The following FMO3 variants were observed in gnomAD, a reference collection of about 807,000 sequenced individuals.
The protein encoded by FMO3 is flavin containing dimethylaniline monoxygenase 3.
Under a neutral mutation model 39.4 loss-of-function variants are expected in FMO3, and 40 were observed. The ratio of observed to expected loss-of-function variants is 1.02; its 90% CI spans 0.79 to 1.32. FMO3 has a LOEUF of 1.32. FMO3 is among the 40% of genes most tolerant of loss of function. The pLI, the probability that FMO3 is intolerant of heterozygous loss-of-function variation, is 0.00. For missense variants in FMO3, 680 were observed against 651.8 expected (o/e 1.04, Z -0.47); for synonymous variants, 219 against 228.8 (o/e 0.96, Z 0.39).
At chr1:171,115,388 T>C (rs1442617881) in intron 7 of FMO3, among the ~76,000 whole-genome samples, 1 of 151,800 alleles carries the variant, frequency 6.6e-6, no homozygotes, top group African/African-American at 2.4e-5. Flanking sequence ...AAACAGTCTC[T>C]TTCTTTTCAA....
rs1656219762 is a variant in FMO3 at position 171,117,527 on chromosome 1, A to C, written c.*85A>C. The C allele has an allele frequency of 5.0e-6, 5 of 1,001,364 alleles. No individual in the cohort carries two copies. The highest frequency in any genetic ancestry group is 7.5e-6 in the Non-Finnish European group (5 of 665,798). The allele number at this position is 1,001,364 out of a possible 1,614,324, so 62.0% of individuals were successfully genotyped here. On this transcript the variant is annotated 3_prime_UTR_variant, in exon 9 of 9. Transcript: ENST00000367755. Reference sequence around the variant, plus strand: ...ATTTAAAAATTAAAATTTTCACACCACCTGCTTTTCTATTCAGCATCTTTT... The same window carrying C: ...ATTTAAAAATTAAAATTTTCACACCCCCTGCTTTTCTATTCAGCATCTTTT...
At chr1:171,096,072 TAATATATAA>T (rs1655007852) in intron 2 of FMO3, among the ~76,000 whole-genome samples, 1 of 50,678 alleles carries the variant, frequency 2.0e-5, no homozygotes, top group African/African-American at 1.1e-4. Flanking sequence ...TATTATATAT[TAATATATAA>T]TATATATTAA....
At chr1:171,113,484 A>G (rs555761240) in intron 6 of FMO3, among the ~76,000 whole-genome samples, 1 of 152,302 alleles carries the variant, frequency 6.6e-6, no homozygotes, top group East Asian at 1.9e-4. Context: ...AGTATACTGA[A>G]TTAAGAATAA....
chr1:171,099,759 C>CTTTTTTTTTTTTTTTTTCTTTTTTT (rs1655279087), intron 2 of FMO3: 1 of 117,610 alleles, frequency 8.5e-6, no homozygotes. Flanking sequence ...CCATGTCTTT[C>CTTTTTTTTTTTTTTTTTCTTTTTTT]TTTTTTTTTT....
chr1:171,105,999 C>T (rs1655618262), intron 3 of FMO3, among the ~76,000 whole-genome samples: 1 of 151,954 alleles, frequency 6.6e-6, no homozygotes, highest in African/African-American at 2.4e-5. Context: ...ATAAAATATA[C>T]AAAAACTTTC....
intron 2 of FMO3, among the ~76,000 whole-genome samples, chr1:171,096,112 T>C (rs1655019365): frequency 1.2e-5 from 1 of 83,022 alleles, no homozygotes; most frequent in Non-Finnish European, 2.1e-5. Context: ...TAATTAATTA[T>C]TATATATTAA....
chr1:171,101,936 T>A (rs548205919), intron 2 of FMO3: 2 of 352,864 alleles, frequency 5.7e-6, no homozygotes, highest in East Asian at 7.7e-5. Flanking sequence ...TTCTGGACTA[T>A]GTATCAATTT....
At chr1:171,096,025 A>ATATATT (rs1491256935) in intron 2 of FMO3, among the ~76,000 whole-genome samples, 2 of 45,972 alleles carry the variant, frequency 4.4e-5, no homozygotes, top group Non-Finnish European at 7.1e-5. Flanking sequence ...ATTATATATT[A>ATATATT]ATATATAATA....
chr1:171,102,775 T>G (rs1421432553), intron 2 of FMO3, among the ~76,000 whole-genome samples: 1 of 152,210 alleles, frequency 6.6e-6, no homozygotes, highest in East Asian at 1.9e-4. Flanking sequence ...TCTTCAATGT[T>G]CTTTTTCTTT....
At chr1:171,116,747 A>G (rs999033642) in intron 8 of FMO3, among the ~76,000 whole-genome samples, 9 of 152,322 alleles carry the variant, frequency 5.9e-5, no homozygotes, top group Admixed American at 3.3e-4. Flanking sequence ...AGTTGTCACT[A>G]ATTAGCTCAG....
Position 171,097,199 on chromosome 1 carries a change from A to G in FMO3, c.132+4409A>G, listed in dbSNP as rs534992617. ...TTAATCCAGTCTATCATTGTTGGAC[A>G]TTTGGGTTGGTTCCAAGTCTTTGCT... On this transcript the variant is annotated intron_variant, in intron 2 of 8. Coordinates refer to ENST00000367755, the MANE Select transcript of FMO3 (RefSeq NM_001002294.3). Among the ~76,000 whole-genome samples the G allele has an allele frequency of 6.5e-3, 928 of 143,812 alleles. 11 individuals carry two copies. Among genetic ancestry groups the G allele is most frequent in the African/African-American group, 0.024 (894 of 37,360 alleles). 94.3% of individuals were successfully genotyped at this position (143,812 alleles called of 152,430 possible).
chr1:171,096,289 T>TA (rs1553228221), intron 2 of FMO3, among the ~76,000 whole-genome samples: 8 of 87,988 alleles, frequency 9.1e-5, no homozygotes, highest in African/African-American at 1.9e-4. Context: ...ATATATTATA[T>TA]ATCTATTATA....
chr1:171,091,882 A>G (rs1654725177), intron 1 of FMO3, among the ~76,000 whole-genome samples: 1 of 149,666 alleles, frequency 6.7e-6, no homozygotes, highest in African/African-American at 2.5e-5. Context: ...TAAAAAGAAG[A>G]TACAGATTGC....
At position 171,114,077 on chromosome 1, in the gene FMO3, A is replaced by G; in HGVS notation, c.898A>G (p.Lys300Glu). The G allele has an allele frequency of 6.2e-7, 1 of 1,613,462 alleles. No homozygotes were observed. The change falls in exon 7 of 9, where the codon AAG (lysine) becomes GAG (glutamate). Residue 300 changes from lysine to glutamate, a missense_variant. Lys to Glu is a moderately conservative substitution (Grantham distance 56, BLOSUM62 1). Transcript: ENST00000367755. ...CATTCTGTGTGGCATTGTGTCCGTAAAGCCTAACGTGAAGGAATTCACAGA... is the reference window on the plus strand; with the variant it reads ...CATTCTGTGTGGCATTGTGTCCGTAGAGCCTAACGTGAAGGAATTCACAGA... ...ASILCGIVSV[K>E]PNVKEFTETS...
In FMO3 at chr1:171,116,981, T is replaced by G. The variant is rs1553231179; in HGVS notation, c.1257-119T>G. The G allele has an allele frequency of 1.1e-4, 89 of 785,210 alleles. 1 individual carries two copies. Among genetic ancestry groups the G allele is most frequent in the Non-Finnish European group, 4.5e-6 (2 of 447,600 alleles). The allele number at this position is 785,210 out of a possible 1,614,324, so 48.6% of individuals were successfully genotyped here. A position where few individuals can be genotyped will look rare whatever the true frequency, so the allele number is the denominator to read the frequency against. On this transcript the variant is annotated intron_variant, in intron 8 of 8. Coordinates refer to ENST00000367755, the MANE Select transcript of FMO3 (RefSeq NM_001002294.3). ...GTCAGGGTAGTGTGGGAAATTTTTTTAGAAAGAGAGAGAGATTGATGTTAA... is the reference window on the plus strand; with the variant it reads ...GTCAGGGTAGTGTGGGAAATTTTTTGAGAAAGAGAGAGAGATTGATGTTAA...
chr1:171,091,888 A>T lies in FMO3; in HGVS notation c.-6-765A>T, dbSNP rs1341174400. Reference sequence around the variant, plus strand: ...GTATCTAAGTAAAAAGAAGATACAGATTGCGTGTGTGTGTGTGTGTGTGTA... The same window carrying T: ...GTATCTAAGTAAAAAGAAGATACAGTTTGCGTGTGTGTGTGTGTGTGTGTA... On this transcript the variant is annotated intron_variant, in intron 1 of 8. Transcript: ENST00000367755. 1.1e-4 allele frequency among the ~76,000 whole-genome samples: 16 copies of T among 145,666 alleles called. No homozygotes were observed. The Admixed American group carries it at 1.1e-3, about 10-fold the overall frequency.
chr1:171,094,797 G>A (rs552307608), intron 2 of FMO3, among the ~76,000 whole-genome samples: 1 of 152,256 alleles, frequency 6.6e-6, no homozygotes, highest in Non-Finnish European at 1.5e-5. Flanking sequence ...ACTGATCTAT[G>A]TGTCTATGTT....
chr1:171,095,491 A>G (rs942824335), intron 2 of FMO3, among the ~76,000 whole-genome samples: 1 of 151,784 alleles, frequency 6.6e-6, no homozygotes, highest in Non-Finnish European at 1.5e-5. Context: ...CCATTAATAT[A>G]TATGCAAATT....
chr1:171,116,060 T>G, intron 7 of FMO3, 148 bp from the exon 8 acceptor site: 1 of 620,534 alleles, frequency 1.6e-6, no homozygotes, highest in South Asian at 2.0e-5. Context: ...CAAATATGAG[T>G]TCTGAGAAGA....
Sources: gnomAD v4.1 joint callset for allele counts (sites outside exome capture counted in the v4.1 genomes callset) on GRCh38, gnomAD v4.1.1 for gene constraint, MANE v1.5 for transcripts, NCBI Gene and HGNC (gene_info 2026-07-23, HGNC 2026-07-21) for gene names.